PRKCA: variants seen among roughly 807,000 people sequenced by gnomAD.
PRKCA encodes the protein protein kinase C alpha type.
Under a neutral mutation model 87.0 loss-of-function variants are expected in PRKCA, and 27 were observed. The observed-to-expected ratio is 0.31, with a 90% CI of 0.23 to 0.43. The LOEUF (loss-of-function observed/expected upper bound fraction) is 0.43, where lower values mean the gene tolerates loss of function less well. Among genes scored for constraint, PRKCA ranks in the 20% least tolerant of loss-of-function variants. The pLI is 1.00. For synonymous variants in PRKCA, 329 were observed against 311.1 expected, an observed-to-expected ratio of 1.06 and a Z score of -0.61; for missense variants, 518 against 852.3, an observed-to-expected ratio of 0.61 and a Z score of 4.88.
At chr17:66,670,675 A>G (rs983734859) in intron 5 of PRKCA, among the ~76,000 whole-genome samples, 1 of 151,930 alleles carries the variant, frequency 6.6e-6, no homozygotes, top group East Asian at 1.9e-4. Flanking sequence ...GGGCCTGGAC[A>G]TGGTGAAATC....
chr17:66,616,196 GA>G (rs1598816707), intron 3 of PRKCA, among the ~76,000 whole-genome samples: 1 of 152,160 alleles, frequency 6.6e-6, no homozygotes, highest in African/African-American at 2.4e-5. Flanking sequence ...TAGGAAGAAT[GA>G]AATAGTAAAA....
chr17:66,731,350 A>AG (rs1973883709), intron 8 of PRKCA, among the ~76,000 whole-genome samples: 1 of 89,460 alleles, frequency 1.1e-5, no homozygotes, highest in African/African-American at 4.1e-5. Flanking sequence ...ACTCCGTCTC[A>AG]GAAAAAAAAA....
intron 3 of PRKCA, among the ~76,000 whole-genome samples, chr17:66,580,179 T>C (rs1332757900): frequency 6.6e-6 from 1 of 152,254 alleles, no homozygotes; most frequent in East Asian, 1.9e-4. Flanking sequence ...GTAAGCTGCC[T>C]GTGGCTGATA....
At chr17:66,539,620 A>G (rs541206623) in intron 3 of PRKCA, among the ~76,000 whole-genome samples, 13 of 152,200 alleles carry the variant, frequency 8.5e-5, no homozygotes, top group East Asian at 3.9e-4. Flanking sequence ...TAGCCAGGAT[A>G]GTCTCGATCA....
In PRKCA at chr17:66,313,964, C is replaced by T. The variant is rs1007234275; in HGVS notation, c.205+7837C>T. On this transcript the variant is annotated intron_variant, in intron 2 of 16. Transcript: ENST00000413366. ...AAAGGAAAGAAAATGGATATGTATT[C>T]AATGCTACATTATGTCAGACATCTA... Among the ~76,000 whole-genome samples the T allele has an allele frequency of 7.2e-5, 11 of 152,152 alleles. No individual in the cohort carries two copies. The East Asian group carries it at 2.1e-3, about 29-fold the overall frequency.
At position 66,430,538 on chromosome 17, in the gene PRKCA, T is replaced by C. The variant is rs1913048108; in HGVS notation, c.206-65663T>C. Among the ~76,000 whole-genome samples, 3 of 152,146 alleles carry C rather than the reference T, an allele frequency of 2.0e-5. No homozygotes were observed. The South Asian group carries it at 6.2e-4, about 32-fold the overall frequency. ...AGGGGTGGTCTCTCTCTCTCAGGGT[T>C]GAAGCCTAAATCTGGGGCATGGGTC... On this transcript the variant is annotated intron_variant, in intron 2 of 16. Coordinates refer to ENST00000413366, the MANE Select transcript of PRKCA (RefSeq NM_002737.3).
At chr17:66,419,402 T>C (rs1291184360) in intron 2 of PRKCA, among the ~76,000 whole-genome samples, 1 of 152,242 alleles carries the variant, frequency 6.6e-6, no homozygotes, top group African/African-American at 2.4e-5. Context: ...TGTAACTGTG[T>C]TTCTTAAATG....
intron 3 of PRKCA, among the ~76,000 whole-genome samples, chr17:66,562,754 G>A (rs187899058): frequency 7.0e-4 from 106 of 151,962 alleles, no homozygotes; most frequent in African/African-American, 2.5e-3. Flanking sequence ...GCGCCACCAC[G>A]CCCAGCTAAT....
chr17:66,555,327 G>A (rs371679977), intron 3 of PRKCA, among the ~76,000 whole-genome samples: 4 of 152,160 alleles, frequency 2.6e-5, no homozygotes, highest in African/African-American at 4.8e-5. Flanking sequence ...AGACTTCTTG[G>A]CTACAACACA....
chr17:66,618,932 A>G (rs1328499359), intron 3 of PRKCA, among the ~76,000 whole-genome samples: 2 of 152,122 alleles, frequency 1.3e-5, no homozygotes, highest in Non-Finnish European at 2.9e-5. Flanking sequence ...AACTTTTAGA[A>G]TCTTGAGACT....
intron 8 of PRKCA, among the ~76,000 whole-genome samples, chr17:66,706,983 G>A (rs1973208627): frequency 6.6e-6 from 1 of 152,148 alleles, no homozygotes; most frequent in Admixed American, 6.5e-5. Context: ...AAAAGCAAAA[G>A]GGAGTGTGTT....
intron 3 of PRKCA, among the ~76,000 whole-genome samples, chr17:66,624,272 A>G (rs778551522): frequency 1.3e-5 from 2 of 151,826 alleles, no homozygotes; most frequent in Admixed American, 6.6e-5. Flanking sequence ...TGGGGTTAGC[A>G]TGAAAGGGCC....
intron 3 of PRKCA, among the ~76,000 whole-genome samples, chr17:66,595,750 C>T (rs928218025): frequency 9.9e-5 from 15 of 152,154 alleles, no homozygotes; most frequent in African/African-American, 3.6e-4. Flanking sequence ...CCACGCCCTG[C>T]CAAATTTATT....
chr17:66,314,090 C>T (rs150238802), intron 2 of PRKCA, among the ~76,000 whole-genome samples: 364 of 152,214 alleles, frequency 2.4e-3, no homozygotes, highest in East Asian at 0.016. Context: ...GCTGGTGGGG[C>T]GTGTCATGGG....
chr17:66,643,018 C>G (rs866793809), intron 4 of PRKCA, among the ~76,000 whole-genome samples: 1 of 151,884 alleles, frequency 6.6e-6, no homozygotes, highest in African/African-American at 2.4e-5. Context: ...CCAGCCTGGG[C>G]AAACAAGAGT....
chr17:66,549,230 G>T (rs1396143915), intron 3 of PRKCA, among the ~76,000 whole-genome samples: 2 of 151,484 alleles, frequency 1.3e-5, no homozygotes, highest in African/African-American at 2.4e-5. Flanking sequence ...CTGAGGCTTA[G>T]AGAGATGGAT....
At chr17:66,534,301 C>T (rs1237269520) in intron 3 of PRKCA, among the ~76,000 whole-genome samples, 1 of 152,110 alleles carries the variant, frequency 6.6e-6, no homozygotes, top group African/African-American at 2.4e-5. Flanking sequence ...GCTGGTATTT[C>T]ATATCTGATG....
rs1413343462 is a variant in PRKCA, at chr17:66,427,110, CA to C, written c.206-69089del. On this transcript the variant is annotated intron_variant, in intron 2 of 16. Coordinates refer to ENST00000413366, the MANE Select transcript of PRKCA (RefSeq NM_002737.3). ...ATAGTGGTGCAGTCTTGGCTCACTG[CA>C]ACCTCCACCTCCCGGGCTCAAGTGA... Among the ~76,000 whole-genome samples the C allele has an allele frequency of 5.3e-5, 8 of 152,242 alleles. No individual in the cohort carries two copies. In the East Asian group the frequency reaches 1.5e-3, roughly 29 times the overall value.
chr17:66,338,767 G>A (rs546310090), intron 2 of PRKCA, among the ~76,000 whole-genome samples: 3 of 152,294 alleles, frequency 2.0e-5, no homozygotes, highest in African/African-American at 7.2e-5. Flanking sequence ...AGATGTTTTT[G>A]CTATTTTAAT....
Sources: gnomAD v4.1 joint callset for allele counts (sites outside exome capture counted in the v4.1 genomes callset) on GRCh38, gnomAD v4.1.1 for gene constraint, MANE v1.5 for transcripts, NCBI Gene and HGNC (gene_info 2026-07-23, HGNC 2026-07-21) for gene names.